The following SLC6A11 variants were observed in gnomAD, a reference collection of about 807,000 sequenced individuals.
SLC6A11 encodes the protein sodium- and chloride-dependent GABA transporter 3.
Under a neutral mutation model 74.8 loss-of-function variants are expected in SLC6A11, and 25 were observed. The observed-to-expected ratio is 0.33, with a 90% CI of 0.24 to 0.47. The LOEUF (loss-of-function observed/expected upper bound fraction) is 0.47, where lower values mean the gene tolerates loss of function less well. Among genes scored for constraint, SLC6A11 ranks in the 20% least tolerant of loss-of-function variants. The pLI is 1.00. For missense variants in SLC6A11, 574 were observed against 837.0 expected (o/e 0.69, Z 3.88); for synonymous variants, 330 against 330.2 (o/e 1.00, Z 0.01).
chr3:10,873,111 C>G (rs1484937029), intron 5 of SLC6A11, among the ~76,000 whole-genome samples: 1 of 152,204 alleles, frequency 6.6e-6, no homozygotes, highest in African/African-American at 2.4e-5. Context: ...CAAGCAGCCC[C>G]TGGGACGGGA....
At chr3:10,831,677 A>G (rs1182054517) in intron 4 of SLC6A11, among the ~76,000 whole-genome samples, 2 of 152,224 alleles carry the variant, frequency 1.3e-5, no homozygotes, top group African/African-American at 2.4e-5. Flanking sequence ...AATTAGAAAC[A>G]ATTAAAACTA....
intron 6 of SLC6A11, among the ~76,000 whole-genome samples, chr3:10,881,830 G>A (rs1455048633): frequency 6.6e-6 from 1 of 152,172 alleles, no homozygotes; most frequent in Non-Finnish European, 1.5e-5. Flanking sequence ...GCCCGTCCAT[G>A]ATCCAGGATC....
Position 10,934,108 on chromosome 3 carries a change from A to G in SLC6A11, c.1517A>G (p.Tyr506Cys). The change falls in exon 12 of 14, where the codon TAC becomes TGC. Residue 506 changes from tyrosine (Y) to cysteine (C), a missense_variant. Coordinates refer to ENST00000254488, the MANE Select transcript of SLC6A11 (RefSeq NM_014229.3). The part of the protein sequence containing the change: ...FYDNIEDMIG[Y>C]RPPSLIKWCW... ...GATAACATTGAAGACATGATTGGCT[A>G]CCGGCCACCGTCGCTCATTAAGTGG... 1 of 1,614,030 alleles carries G rather than the reference A, an allele frequency of 6.2e-7. No individual in the cohort carries two copies.
At chr3:10,831,255 T>G (rs2106577728) in intron 4 of SLC6A11, among the ~76,000 whole-genome samples, 1 of 152,250 alleles carries the variant, frequency 6.6e-6, no homozygotes. Flanking sequence ...GGGCTGCACA[T>G]AAGTTTTGTC....
chr3:10,860,964 A>G (rs1236221059), intron 5 of SLC6A11, among the ~76,000 whole-genome samples: 1 of 152,206 alleles, frequency 6.6e-6, no homozygotes, highest in African/African-American at 2.4e-5. Context: ...CTGCATGAGG[A>G]GGATTAAAGA....
At chr3:10,839,384 C>G (rs1005435773) in intron 4 of SLC6A11, among the ~76,000 whole-genome samples, 1 of 152,212 alleles carries the variant, frequency 6.6e-6, no homozygotes, top group African/African-American at 2.4e-5. Flanking sequence ...CTCCCCACTC[C>G]TGGTCCCAAG....
chr3:10,837,941 A>G (rs1290102441), intron 4 of SLC6A11, among the ~76,000 whole-genome samples: 1 of 152,164 alleles, frequency 6.6e-6, no homozygotes, highest in African/African-American at 2.4e-5. Context: ...AGGAAAGCAC[A>G]TTTGTTTTGG....
chr3:10,889,362 G>T (rs1228689507), intron 6 of SLC6A11, among the ~76,000 whole-genome samples: 1 of 152,046 alleles, frequency 6.6e-6, no homozygotes, highest in Non-Finnish European at 1.5e-5. Flanking sequence ...GTGCAATGTT[G>T]TAGCTCCAGT....
chr3:10,823,260 G>T (rs748006374), intron 3 of SLC6A11, 42 bp from the exon 4 acceptor site: 1 of 1,426,652 alleles, frequency 7.0e-7, no homozygotes, highest in South Asian at 1.2e-5. Flanking sequence ...AGCTTTCATG[G>T]AGATTAATTT....
At chr3:10,873,684 C>CT (rs1694867555) in intron 5 of SLC6A11, among the ~76,000 whole-genome samples, 1 of 89,650 alleles carries the variant, frequency 1.1e-5, no homozygotes, top group Non-Finnish European at 2.3e-5. Context: ...TATCCTATCC[C>CT]GTCCCATCCT....
chr3:10,846,838 T>C (rs1042882835), intron 5 of SLC6A11, among the ~76,000 whole-genome samples: 3 of 152,132 alleles, frequency 2.0e-5, no homozygotes, highest in Non-Finnish European at 2.9e-5. Context: ...CTGGCCATAG[T>C]TGCATAGTGA....
intron 5 of SLC6A11, among the ~76,000 whole-genome samples, chr3:10,858,283 A>G (rs543926216): frequency 3.9e-4 from 59 of 152,340 alleles, no homozygotes; most frequent in Middle Eastern, 3.4e-3. Context: ...CTATATTAAA[A>G]TGAGGTTAAA....
At chr3:10,836,600 C>T (rs1206692682) in intron 4 of SLC6A11, among the ~76,000 whole-genome samples, 1 of 152,222 alleles carries the variant, frequency 6.6e-6, no homozygotes, top group Non-Finnish European at 1.5e-5. Context: ...ATGCGGAACA[C>T]TTCTCAATAA....
chr3:10,864,467 G>C (rs974698450), intron 5 of SLC6A11, among the ~76,000 whole-genome samples: 1 of 151,856 alleles, frequency 6.6e-6, no homozygotes, highest in African/African-American at 2.4e-5. Context: ...TCCTCACCAG[G>C]TTCCTGGCAC....
In SLC6A11 at chr3:10,873,009, T is replaced by C. The variant is rs139364981; in HGVS notation, c.757-1952T>C. ...CCACTGAGAGGACAGAACCAAGTGA[T>C]TGGAGGAGTGAGTGTGACAAAAGAG... On this transcript the variant is annotated intron_variant, in intron 5 of 13. Transcript: ENST00000254488. 1.5e-3 allele frequency among the ~76,000 whole-genome samples: 232 copies of C among 151,950 alleles called. 3 individuals carry two copies. Among genetic ancestry groups the C allele is most frequent in the African/African-American group, 5.2e-3 (217 of 41,460 alleles).
intron 12 of SLC6A11, 84 bp downstream of exon 12, chr3:10,934,250 C>T: frequency 3.2e-6 from 3 of 950,832 alleles, no homozygotes; most frequent in Non-Finnish European, 3.4e-6. Flanking sequence ...TAGCCCCCAC[C>T]CTGGCCGAGG....
At chr3:10,880,037 G>T (rs1222259597) in intron 6 of SLC6A11, among the ~76,000 whole-genome samples, 2 of 152,168 alleles carry the variant, frequency 1.3e-5, no homozygotes, top group Non-Finnish European at 2.9e-5. Flanking sequence ...TAGTGCAGGT[G>T]GAAGGTGGCT....
chr3:10,887,550 A>T (rs965480581), intron 6 of SLC6A11, among the ~76,000 whole-genome samples: 1 of 152,014 alleles, frequency 6.6e-6, no homozygotes, highest in South Asian at 2.1e-4. Flanking sequence ...GGTTCAAGTG[A>T]TTCTCCTGCC....
At position 10,834,917 on chromosome 3, in the gene SLC6A11, A is replaced by G. The variant is rs865992744; in HGVS notation, c.624-9297A>G. The stretch of plus-strand genomic sequence containing the variant: ...CCCCTTCCACAGACCTCCCAACCTC[A>G]CTTCCATTTTAGAGCTGAGGTGGAT... On this transcript the variant is annotated intron_variant, in intron 4 of 13. Coordinates refer to ENST00000254488, the MANE Select transcript of SLC6A11 (RefSeq NM_014229.3). Among the ~76,000 whole-genome samples, 7 of 152,174 alleles carry G rather than the reference A, an allele frequency of 4.6e-5. 1 individual carries two copies. The highest frequency in any genetic ancestry group is 2.1e-4 in the South Asian group (1 of 4,814).
Sources: gnomAD v4.1 joint callset for allele counts (sites outside exome capture counted in the v4.1 genomes callset) on GRCh38, gnomAD v4.1.1 for gene constraint, MANE v1.5 for transcripts, NCBI Gene and HGNC (gene_info 2026-07-23, HGNC 2026-07-21) for gene names.